The following NDUFAF6 variants were observed in gnomAD, a reference collection of about 807,000 sequenced individuals.
NDUFAF6 encodes the protein NADH dehydrogenase (ubiquinone) complex I, assembly factor 6.
In NDUFAF6, 45 loss-of-function variants were observed where a neutral mutation model predicts 40.8. That is an observed-to-expected ratio of 1.10 (90% CI 0.87 to 1.42). The LOEUF (loss-of-function observed/expected upper bound fraction) is 1.42. NDUFAF6 is among the 40% of genes most tolerant of loss of function. The pLI is 0.00. For synonymous variants in NDUFAF6, 185 were observed against 155.9 expected (o/e 1.19, Z -1.39); for missense variants, 435 against 418.5 (o/e 1.04, Z -0.34).
At chr8:94,936,623 AG>A (rs1821002943) in intron 1 of NDUFAF6, among the ~76,000 whole-genome samples, 1 of 152,154 alleles carries the variant, frequency 6.6e-6, no homozygotes, top group Non-Finnish European at 1.5e-5. Flanking sequence ...GGACATGGTC[AG>A]GCAGAATCAC....
At chr8:95,098,624 C>T (rs1029287163), upstream of NDUFAF6, among the ~76,000 whole-genome samples, 8 of 152,304 alleles carry the variant, frequency 5.3e-5, no homozygotes, top group South Asian at 8.3e-4. Flanking sequence ...GAGCCGAGAT[C>T]GCACCACTGC....
intron 2 of NDUFAF6, among the ~76,000 whole-genome samples, chr8:95,004,926 A>G (rs1407003055): frequency 2.6e-5 from 4 of 152,202 alleles, no homozygotes; most frequent in Non-Finnish European, 2.9e-5. Context: ...GAAATGATTT[A>G]TCGGAAGGGT....
intron 2 of NDUFAF6, among the ~76,000 whole-genome samples, chr8:94,996,177 A>G (rs184388333): frequency 7.2e-4 from 110 of 152,320 alleles, no homozygotes; most frequent in African/African-American, 2.5e-3. Context: ...TGTGGATTCA[A>G]TATAGCAATC....
chr8:94,986,754 T>C (rs1415978959), intron 2 of NDUFAF6, among the ~76,000 whole-genome samples: 2 of 152,180 alleles, frequency 1.3e-5, no homozygotes, highest in African/African-American at 4.8e-5. Context: ...ATGAGCTAAT[T>C]TGGTTTCTGT....
At chr8:94,932,110 AC>A (rs775856383) in intron 1 of NDUFAF6, 7 of 1,609,040 alleles carry the variant, frequency 4.4e-6, no homozygotes, top group Non-Finnish European at 5.9e-6. Context: ...TCCTGGCCCT[AC>A]AAATGTTAAA....
intron 1 of NDUFAF6, among the ~76,000 whole-genome samples, chr8:94,907,903 AG>A (rs1331088501): frequency 6.6e-6 from 1 of 152,218 alleles, no homozygotes; most frequent in Non-Finnish European, 1.5e-5. Flanking sequence ...CCAGAAGGCC[AG>A]GGACTTGGTC....
chr8:95,022,683 A>G (rs899846319), upstream of NDUFAF6, among the ~76,000 whole-genome samples: 4 of 152,128 alleles, frequency 2.6e-5, no homozygotes, highest in Non-Finnish European at 4.4e-5. Context: ...CTTTTAACAC[A>G]TTTAAAATGG....
chr8:95,073,381 G>T (rs1832934622), intron 9 of NDUFAF6, among the ~76,000 whole-genome samples: 1 of 152,224 alleles, frequency 6.6e-6, no homozygotes, highest in Non-Finnish European at 1.5e-5. Flanking sequence ...AGATGAGGCC[G>T]AGTAGGCAGC....
At chr8:94,984,943 G>A (rs1226669968) in intron 2 of NDUFAF6, among the ~76,000 whole-genome samples, 1 of 152,052 alleles carries the variant, frequency 6.6e-6, no homozygotes, top group African/African-American at 2.4e-5. Flanking sequence ...GCCTCAGGTG[G>A]CAGTGCTGAT....
chr8:95,082,012 C>G (rs561861143), intron 2 of NDUFAF6, among the ~76,000 whole-genome samples: 2 of 152,006 alleles, frequency 1.3e-5, no homozygotes, highest in East Asian at 3.9e-4. Flanking sequence ...TGCAGTGAGC[C>G]GAGATCGCGC....
chr8:94,966,032 C>T (rs11778553), intron 1 of NDUFAF6, among the ~76,000 whole-genome samples: 19,936 of 152,160 alleles, frequency 0.13, 1,645 homozygotes, highest in Middle Eastern at 0.23. Context: ...CTGTAACCCA[C>T]GCTTTGCTCC....
At chr8:95,096,116 G>A (rs1164868160), upstream of NDUFAF6, among the ~76,000 whole-genome samples, 5 of 152,132 alleles carry the variant, frequency 3.3e-5, no homozygotes, top group Non-Finnish European at 7.4e-5. Flanking sequence ...TTGATACCTG[G>A]CCCAATTTAC....
chr8:95,011,681 G>C (rs1344050741), intron 2 of NDUFAF6, among the ~76,000 whole-genome samples: 1 of 152,188 alleles, frequency 6.6e-6, no homozygotes, highest in African/African-American at 2.4e-5. Context: ...GAATGGTATA[G>C]AAGCTAAAGA....
At chr8:94,922,165 G>A (rs536492005) in intron 1 of NDUFAF6, among the ~76,000 whole-genome samples, 3 of 151,668 alleles carry the variant, frequency 2.0e-5, no homozygotes, top group African/African-American at 7.3e-5. Context: ...GTGCCACCAC[G>A]CCCGGCTAAT....
intron 2 of NDUFAF6, among the ~76,000 whole-genome samples, chr8:95,012,037 A>C (rs1033681461): frequency 6.6e-6 from 1 of 152,248 alleles, no homozygotes; most frequent in Non-Finnish European, 1.5e-5. Flanking sequence ...GAATTTCAAC[A>C]TAGAGTTCCA....
upstream of NDUFAF6, among the ~76,000 whole-genome samples, chr8:95,023,569 A>G (rs1051021861): frequency 1.3e-5 from 2 of 152,206 alleles, no homozygotes; most frequent in East Asian, 1.9e-4. Context: ...CAGTCTGGCC[A>G]TAGCAAGAAA....
At chr8:95,042,680 A>G (rs892394039) in intron 4 of NDUFAF6, among the ~76,000 whole-genome samples, 7 of 152,256 alleles carry the variant, frequency 4.6e-5, no homozygotes, top group African/African-American at 1.4e-4. Context: ...CAGAATAGCC[A>G]GAATAATCTT....
chr8:95,005,526 AAT>A (rs760333438), intron 2 of NDUFAF6, among the ~76,000 whole-genome samples: 10 of 7,272 alleles, frequency 1.4e-3, no homozygotes, highest in African/African-American at 4.4e-3. Context: ...GGTCCTTTTA[AAT>A]ATATATATAT....
chr8:95,049,621 A>C (rs534906679), intron 7 of NDUFAF6, among the ~76,000 whole-genome samples: 13 of 152,208 alleles, frequency 8.5e-5, no homozygotes, highest in Non-Finnish European at 1.5e-4. Context: ...ACTTACCTGC[A>C]TACCACAGGG....
Sources: gnomAD v4.1 joint callset for allele counts (sites outside exome capture counted in the v4.1 genomes callset) on GRCh38, gnomAD v4.1.1 for gene constraint, MANE v1.5 for transcripts, NCBI Gene and HGNC (gene_info 2026-07-23, HGNC 2026-07-21) for gene names.